The following HSD17B4 variants were observed in gnomAD, a reference collection of about 807,000 sequenced individuals.
The protein encoded by HSD17B4 is hydroxysteroid 17-beta dehydrogenase 4.
A neutral mutation model predicts 101.0 loss-of-function variants in HSD17B4; 70 were observed. The ratio of observed to expected loss-of-function variants is 0.69; its 90% CI spans 0.57 to 0.85. HSD17B4 has a LOEUF of 0.85. Among genes scored for constraint, HSD17B4 ranks in the 40% least tolerant of loss-of-function variants. HSD17B4 has a pLI of 0.00. For synonymous variants in HSD17B4, 347 were observed against 297.1 expected (o/e 1.17, Z -1.73); for missense variants, 984 against 892.4 (o/e 1.10, Z -1.31).
intron 16 of HSD17B4, among the ~76,000 whole-genome samples, chr5:119,514,121 A>G (rs1306387026): frequency 2.6e-5 from 4 of 152,188 alleles, no homozygotes; most frequent in Non-Finnish European, 5.9e-5. Flanking sequence ...AACTGAAACA[A>G]AGGAGTGTAA....
At chr5:119,453,158 T>C (rs1017861436) in intron 1 of HSD17B4, among the ~76,000 whole-genome samples, 1 of 152,240 alleles carries the variant, frequency 6.6e-6, no homozygotes, top group Admixed American at 6.5e-5. Flanking sequence ...GGGCGTCTGA[T>C]AAGAGCCCTT....
chr5:119,530,810 A>G (rs147469405), intron 21 of HSD17B4, among the ~76,000 whole-genome samples: 2 of 139,904 alleles, frequency 1.4e-5, no homozygotes, highest in African/African-American at 5.3e-5. Flanking sequence ...CCAAGATTGC[A>G]CTACTGCATT....
Position 119,499,500 on chromosome 5 carries a change from A to T in HSD17B4, c.1156A>T (p.Met386Leu). The T allele has an allele frequency of 6.2e-7, 1 of 1,613,868 alleles. No individual in the cohort carries two copies. The highest frequency in any genetic ancestry group is 8.5e-7 in the Non-Finnish European group (1 of 1,179,786). The change falls in exon 13 of 24, where the codon ATG (methionine) becomes TTG (leucine). Residue 386 changes from methionine (M) to leucine (L), a missense_variant. Transcript: ENST00000510025. ...TFGVIIGQKS[M>L]MGGGLAEIPG... is the part of the protein sequence containing the mutation. Reference sequence around the variant, plus strand: ...CGGAGTTATCATAGGTCAGAAATCTATGATGGGTGGAGGATTAGCAGAAAT... The same window carrying T: ...CGGAGTTATCATAGGTCAGAAATCTTTGATGGGTGGAGGATTAGCAGAAAT...
chr5:119,476,670 T>A, intron 6 of HSD17B4: 1 of 985,572 alleles, frequency 1.0e-6, no homozygotes, highest in Non-Finnish European at 1.2e-6. Flanking sequence ...AGATAGGATT[T>A]GCTGGCAAAG....
At chr5:119,472,245 C>T (rs1247057697) in intron 2 of HSD17B4, among the ~76,000 whole-genome samples, 1 of 152,134 alleles carries the variant, frequency 6.6e-6, no homozygotes, top group Non-Finnish European at 1.5e-5. Context: ...AATCACCATT[C>T]TTATACATAA....
intron 2 of HSD17B4, among the ~76,000 whole-genome samples, chr5:119,459,288 C>T (rs922121304): frequency 5.9e-5 from 9 of 152,114 alleles, no homozygotes; most frequent in Admixed American, 1.3e-4. Flanking sequence ...AGCTAACTTC[C>T]GGGATTATGG....
intron 4 of HSD17B4, among the ~76,000 whole-genome samples, chr5:119,475,496 G>T (rs555825947): frequency 1.3e-5 from 2 of 152,192 alleles, no homozygotes; most frequent in East Asian, 3.9e-4. Context: ...AGTTTGAGAG[G>T]AAGGTGCTTG....
rs1007425510 is a variant in HSD17B4, at chr5:119,526,017, A to T, written c.1674A>T (p.Ala558=). The T allele has an allele frequency of 2.0e-6, 3 of 1,528,796 alleles. No individual in the cohort carries two copies. The highest frequency in any genetic ancestry group is 2.7e-6 in the Non-Finnish European group (3 of 1,102,148). The allele number at this position is 1,528,796 out of a possible 1,614,324, so 94.7% of individuals were successfully genotyped here. A position where few individuals can be genotyped will look rare whatever the true frequency, so the allele number is the denominator to read the frequency against. ...ATAATGATGTGTCAAGATTCAAGGC[A>T]ATTAAGGTAAATGTGTATTACTACG... ...FADNDVSRFK[A]IKARFAKPVY... The change falls in exon 19 of 24, where the codon GCA becomes GCT. Residue 558 remains alanine, a synonymous_variant. Transcript: ENST00000510025.
Position 119,493,917 on chromosome 5 carries a change from A to C in HSD17B4, c.839A>C (p.Glu280Ala), listed in dbSNP as rs1750354235. Residue 280 changes from glutamate to alanine, a missense_variant, in exon 11 of 24, where the codon GAG becomes GCG. Transcript: ENST00000510025. ...AACTGGAAGAAGATCTGTGACTTTG[A>C]GAATGCCAGCAAGCCTCAGAGTATC... ...KANWKKICDF[E>A]NASKPQSIQE... 1 of 1,613,216 alleles carries C rather than the reference A, an allele frequency of 6.2e-7. No homozygotes were observed. Among genetic ancestry groups the C allele is most frequent in the African/African-American group, 1.3e-5 (1 of 74,882 alleles).
chr5:119,500,324 G>A (rs1356470347), intron 13 of HSD17B4, among the ~76,000 whole-genome samples: 1 of 151,554 alleles, frequency 6.6e-6, no homozygotes, highest in East Asian at 1.9e-4. Flanking sequence ...AGAGAGATGG[G>A]TGCATATATA....
chr5:119,470,012 C>A (rs1220362273), intron 2 of HSD17B4, among the ~76,000 whole-genome samples: 2 of 152,080 alleles, frequency 1.3e-5, no homozygotes, highest in African/African-American at 4.8e-5. Context: ...GGAAGGGTTG[C>A]TGGTGGTGTC....
intron 23 of HSD17B4, 90 bp from the exon 24 acceptor site, chr5:119,541,815 T>C: frequency 1.3e-6 from 1 of 789,668 alleles, no homozygotes; most frequent in East Asian, 2.7e-5. Context: ...AGCTCAATTG[T>C]ATTCAGTCTG....
At chr5:119,456,838 G>A (rs80042976) in intron 2 of HSD17B4, 1,779 of 175,636 alleles carry the variant, frequency 0.01, 16 homozygotes, top group Non-Finnish European at 0.014. Flanking sequence ...TTTGAGACAG[G>A]AGGTTTGTCT....
chr5:119,494,316 C>CTTTCTTTCT lies in HSD17B4; in HGVS notation c.868+382_868+390dup, dbSNP rs1452967713. 9.8e-4 allele frequency among the ~76,000 whole-genome samples: 132 copies of CTTTCTTTCT among 134,460 alleles called. 1 individual carries two copies. Among genetic ancestry groups the CTTTCTTTCT allele is most frequent in the African/African-American group, 3.2e-3 (124 of 38,972 alleles). 88.2% of individuals were successfully genotyped at this position (134,460 alleles called of 152,430 possible). A position where few individuals can be genotyped will look rare whatever the true frequency, so the allele number is the denominator to read the frequency against. On this transcript the variant is annotated intron_variant, in intron 11 of 23. Transcript: ENST00000510025. The stretch of plus-strand genomic sequence containing the variant: ...ACCATATTTTTCTCTTTCTTCCTTT[C>CTTTCTTTCT]TTTCTTTCTTTTCTTTCTTTCTTTC...
intron 17 of HSD17B4, among the ~76,000 whole-genome samples, chr5:119,518,055 A>G (rs1184936236): frequency 6.6e-6 from 1 of 152,154 alleles, no homozygotes; most frequent in Non-Finnish European, 1.5e-5. Context: ...GTGGGGCCAG[A>G]TAAGAGAATA....
intron 8 of HSD17B4, among the ~76,000 whole-genome samples, chr5:119,479,277 T>C (rs1322313030): frequency 6.6e-6 from 1 of 152,174 alleles, no homozygotes; most frequent in Non-Finnish European, 1.5e-5. Flanking sequence ...TTTTTTTTGT[T>C]TTACACAATG....
chr5:119,525,450 G>A (rs185068362), intron 18 of HSD17B4, among the ~76,000 whole-genome samples, 165 bp downstream of exon 18: 2 of 152,264 alleles, frequency 1.3e-5, no homozygotes, highest in East Asian at 3.9e-4. Flanking sequence ...TAGGAAATGT[G>A]TTCAGAAAAT....
At chr5:119,481,675 G>A (rs1749148259) in intron 8 of HSD17B4, among the ~76,000 whole-genome samples, 1 of 152,124 alleles carries the variant, frequency 6.6e-6, no homozygotes, top group African/African-American at 2.4e-5. Flanking sequence ...AAAAATGCCA[G>A]TATGGATAAA....
chr5:119,481,544 T>C (rs766433861), intron 8 of HSD17B4, among the ~76,000 whole-genome samples: 11 of 152,214 alleles, frequency 7.2e-5, no homozygotes, highest in African/African-American at 1.2e-4. Context: ...ATAAATTTTT[T>C]GGTTTCTCAG....
Sources: allele counts gnomAD v4.1 joint callset (sites outside exome capture counted in the v4.1 genomes callset), GRCh38; gene constraint gnomAD v4.1.1; transcripts MANE v1.5; gene names NCBI Gene and HGNC (gene_info 2026-07-23, HGNC 2026-07-21).